Variants in PCDH11Y observed in about 807,000 individuals in gnomAD.
PCDH11Y encodes the protein protocadherin 11 Y-linked.
For missense variants in PCDH11Y, 12 were observed against 224.8 expected (o/e 0.05, Z 6.05); for synonymous variants, 9 against 83.6 (o/e 0.11, Z 4.87).
chrY:5,196,007 T>A (rs2124649029), intron 2 of PCDH11Y, among the ~76,000 whole-genome samples: 1 of 31,122 alleles, frequency 3.2e-5, no homozygotes, highest in East Asian at 8.5e-4. Context: ...GAATCCAGTC[T>A]GGAAGATAAA....
At chrY:5,200,194 G>C in intron 2 of PCDH11Y, among the ~76,000 whole-genome samples, 1 of 32,465 alleles carries the variant, frequency 3.1e-5, no homozygotes, top group African/African-American at 1.2e-4. Context: ...GTAAAAGTAA[G>C]AGGAAAACCT....
intron 2 of PCDH11Y, among the ~76,000 whole-genome samples, chrY:5,156,372 GCACTCTTGCTCC>G (rs2052869908): frequency 3.2e-5 from 1 of 31,089 alleles, no homozygotes; most frequent in Non-Finnish European, 7.8e-5. Context: ...GAGATTACTG[GCACTCTTGCTCC>G]CACCCTTTTT....
chrY:5,008,518 G>T, intron 1 of PCDH11Y, among the ~76,000 whole-genome samples: 1 of 31,687 alleles, frequency 3.2e-5, no homozygotes, highest in Non-Finnish European at 7.7e-5. Flanking sequence ...TCTAGAGAGT[G>T]ACCTTGGGCA....
At chrY:5,606,108 A>G in intron 4 of PCDH11Y, among the ~76,000 whole-genome samples, 1 of 33,183 alleles carries the variant, frequency 3.0e-5, no homozygotes, top group Admixed American at 2.8e-4. Flanking sequence ...GAATATGCAA[A>G]CATCTTTATA....
At chrY:5,080,718 GT>G (rs2052717880) in intron 1 of PCDH11Y, among the ~76,000 whole-genome samples, 3 of 28,403 alleles carry the variant, frequency 1.1e-4, no homozygotes, top group Non-Finnish European at 1.7e-4. Flanking sequence ...ACTTTTTAAT[GT>G]TTTTTTTTCT....
intron 2 of PCDH11Y, among the ~76,000 whole-genome samples, chrY:5,459,169 C>T: frequency 3.1e-5 from 1 of 32,104 alleles, no homozygotes; most frequent in Non-Finnish European, 7.7e-5. Context: ...TCCTTTTTTA[C>T]CTAAATTTTT....
chrY:5,388,583 C>A, intron 2 of PCDH11Y, among the ~76,000 whole-genome samples: 1 of 32,560 alleles, frequency 3.1e-5, no homozygotes, highest in African/African-American at 1.2e-4. Flanking sequence ...ATTCTCTTGG[C>A]TTTCTTGGTA....
chrY:5,236,563 GT>G (rs2052975554), intron 2 of PCDH11Y, among the ~76,000 whole-genome samples: 1 of 32,268 alleles, frequency 3.1e-5, no homozygotes, highest in African/African-American at 1.2e-4. Context: ...TTATGTGATA[GT>G]TTTTTCAAAA....
At chrY:5,718,926 T>C (rs2053592321) in intron 4 of PCDH11Y, among the ~76,000 whole-genome samples, 1 of 33,001 alleles carries the variant, frequency 3.0e-5, no homozygotes, top group Admixed American at 2.7e-4. Context: ...GAGGAAGTTA[T>C]TGAGAACTGG....
chrY:5,244,369 G>A (rs2124655924), intron 2 of PCDH11Y, among the ~76,000 whole-genome samples: 2 of 33,588 alleles, frequency 6.0e-5, no homozygotes, highest in South Asian at 6.8e-4. Flanking sequence ...AGCAGAGATC[G>A]GAGGTTGCCA....
At chrY:5,046,486 C>G in intron 3 of PCDH11Y, among the ~76,000 whole-genome samples, 1 of 33,820 alleles carries the variant, frequency 3.0e-5, no homozygotes, top group Non-Finnish European at 7.4e-5. Context: ...TCTCCAGCTG[C>G]ATACTGGGAG....
intron 1 of PCDH11Y, among the ~76,000 whole-genome samples, chrY:5,095,860 A>G: frequency 9.0e-5 from 3 of 33,238 alleles, no homozygotes; most frequent in Non-Finnish European, 1.5e-4. Flanking sequence ...GCTCACGTTT[A>G]TTGTATGAAT....
At chrY:5,230,400 T>G (rs2124653707) in intron 2 of PCDH11Y, among the ~76,000 whole-genome samples, 1 of 33,522 alleles carries the variant, frequency 3.0e-5, no homozygotes, top group Non-Finnish European at 7.4e-5. Flanking sequence ...TTGATGAATA[T>G]TTTAGCTGGA....
intron 2 of PCDH11Y, among the ~76,000 whole-genome samples, chrY:5,283,520 G>A: frequency 3.1e-5 from 1 of 32,634 alleles, no homozygotes; most frequent in Non-Finnish European, 7.6e-5. Context: ...ATTAACAGTG[G>A]CAGGTTGTTG....
intron 4 of PCDH11Y, among the ~76,000 whole-genome samples, chrY:5,691,178 A>T: frequency 3.0e-5 from 1 of 33,695 alleles, no homozygotes; most frequent in Non-Finnish European, 7.4e-5. Context: ...AAAAATAACT[A>T]AATTAGGCCT....
At chrY:5,527,982 C>T (rs2053389534) in intron 3 of PCDH11Y, among the ~76,000 whole-genome samples, 1 of 33,219 alleles carries the variant, frequency 3.0e-5, no homozygotes, top group Admixed American at 2.7e-4. Context: ...TATCTTGAGT[C>T]CTAGAATGCA....
intron 2 of PCDH11Y, among the ~76,000 whole-genome samples, chrY:5,368,347 T>C (rs2053183329): frequency 8.9e-5 from 3 of 33,570 alleles, no homozygotes; most frequent in African/African-American, 3.5e-4. Flanking sequence ...GTGCCCTGTG[T>C]CCCAACCTCT....
intron 2 of PCDH11Y, among the ~76,000 whole-genome samples, chrY:5,314,099 A>G: frequency 8.9e-5 from 3 of 33,794 alleles, no homozygotes; most frequent in Admixed American, 8.1e-4. Context: ...CCCACATTCT[A>G]CATTCCTTTA....
chrY:5,720,875 A>C, intron 4 of PCDH11Y, among the ~76,000 whole-genome samples: 3 of 32,413 alleles, frequency 9.3e-5, no homozygotes, highest in Non-Finnish European at 2.3e-4. Flanking sequence ...GGGTCATTCA[A>C]AAATGCAGAA....
Sources: gnomAD v4.1 joint callset for allele counts (sites outside exome capture counted in the v4.1 genomes callset) on GRCh38, gnomAD v4.1.1 for gene constraint, MANE v1.5 for transcripts, NCBI Gene and HGNC (gene_info 2026-07-23, HGNC 2026-07-21) for gene names.